The following SIPA1L3 variants were observed in gnomAD, a reference collection of about 807,000 sequenced individuals.
SIPA1L3 encodes the protein signal induced proliferation associated 1 like 3, also known as signal-induced proliferation-associated 1-like protein 3.
Under a neutral mutation model 150.1 loss-of-function variants are expected in SIPA1L3, and 59 were observed. The ratio of observed to expected loss-of-function variants is 0.39; its 90% confidence interval spans 0.32 to 0.49. The LOEUF is 0.49. Ranked by LOEUF, SIPA1L3 falls within the 20% of genes least tolerant of loss-of-function variation. SIPA1L3 has a pLI of 0.86. For missense variants in SIPA1L3, 2,211 were observed against 2,489.5 expected (o/e 0.89, Z 2.38); for synonymous variants, 1,070 against 1,077.6 (o/e 0.99, Z 0.14).
chr19:37,972,543 A>T (rs1239182858), intron 1 of SIPA1L3, among the ~76,000 whole-genome samples: 3 of 152,090 alleles, frequency 2.0e-5, no homozygotes, highest in Non-Finnish European at 4.4e-5. Context: ...TCTCTACAAA[A>T]AATTTAAAAA....
chr19:38,112,132 T>C (rs113177575), intron 8 of SIPA1L3, among the ~76,000 whole-genome samples: 3 of 126,154 alleles, frequency 2.4e-5, no homozygotes, highest in South Asian at 2.6e-4. Context: ...CACATACAGG[T>C]ACACACCTGC....
intron 1 of SIPA1L3, among the ~76,000 whole-genome samples, chr19:37,988,592 C>A (rs973676947): frequency 4.6e-5 from 7 of 152,158 alleles, no homozygotes; most frequent in Admixed American, 3.9e-4. Flanking sequence ...AGGAGAATCG[C>A]TTGAACCCAG....
intron 19 of SIPA1L3, among the ~76,000 whole-genome samples, chr19:38,198,915 C>CCACTGCACT (rs1456869160): frequency 1.3e-5 from 2 of 152,188 alleles, no homozygotes; most frequent in Non-Finnish European, 2.9e-5. Context: ...TGTGATCACA[C>CCACTGCACT]CACTGCACTC....
chr19:37,938,825 G>C (rs2046625992), intron 1 of SIPA1L3, among the ~76,000 whole-genome samples: 1 of 151,968 alleles, frequency 6.6e-6, no homozygotes, highest in African/African-American at 2.4e-5. Flanking sequence ...ATTTCATCAT[G>C]TTGGCCAGGC....
In SIPA1L3 at chr19:38,049,093, G is replaced by T. The variant is rs374691406; in HGVS notation, c.-311+19937G>T. Among the ~76,000 whole-genome samples, 32 of 151,486 alleles carry T rather than the reference G, an allele frequency of 2.1e-4. 1 individual carries two copies. The highest frequency in any genetic ancestry group is 6.3e-4 in the African/African-American group (26 of 41,040). On this transcript the variant is annotated intron_variant, in intron 2 of 21. Coordinates refer to ENST00000222345, the MANE Select transcript of SIPA1L3 (RefSeq NM_015073.3). ...CGAGACCCCATCTCAAAAAAAAAGC[G>T]GGGGGTGGACAGGGGGCAAGTGGAG... is the stretch of plus-strand genomic sequence containing the variant.
chr19:38,085,086 G>A (rs566569786), intron 3 of SIPA1L3, among the ~76,000 whole-genome samples: 128 of 152,258 alleles, frequency 8.4e-4, no homozygotes, highest in African/African-American at 3.0e-3. Context: ...GCTGATCCAC[G>A]TGATACGTTT....
intron 12 of SIPA1L3, among the ~76,000 whole-genome samples, chr19:38,151,191 G>C (rs953494034): frequency 1.3e-5 from 2 of 152,216 alleles, no homozygotes; most frequent in African/African-American, 4.8e-5. Context: ...CCTCTTAGGA[G>C]CAAGGAGATT....
chr19:38,126,205 A>G (rs938753500), intron 9 of SIPA1L3, among the ~76,000 whole-genome samples: 1 of 151,146 alleles, frequency 6.6e-6, no homozygotes, highest in Non-Finnish European at 1.5e-5. Flanking sequence ...AAACAAAACA[A>G]AACAAAAAAA....
At chr19:38,058,498 T>C (rs867050501) in intron 2 of SIPA1L3, among the ~76,000 whole-genome samples, 11 of 152,104 alleles carry the variant, frequency 7.2e-5, no homozygotes, top group Admixed American at 7.2e-4. Context: ...AAACTGCCTC[T>C]GTGAGGGTGC....
intron 10 of SIPA1L3, among the ~76,000 whole-genome samples, chr19:38,132,893 C>A (rs1214410777): frequency 6.6e-6 from 1 of 152,216 alleles, no homozygotes; most frequent in East Asian, 1.9e-4. Context: ...GGTGTTCCAC[C>A]CACCTCAGCC....
chr19:37,997,738 G>A (rs748931531), intron 1 of SIPA1L3, among the ~76,000 whole-genome samples: 10 of 150,956 alleles, frequency 6.6e-5, no homozygotes, highest in South Asian at 2.1e-4. Flanking sequence ...GCAGTGGTGC[G>A]CTCCTGTAGT....
intron 1 of SIPA1L3, among the ~76,000 whole-genome samples, chr19:37,933,026 C>T (rs1353970108): frequency 3.3e-5 from 5 of 152,128 alleles, no homozygotes; most frequent in Non-Finnish European, 5.9e-5. Flanking sequence ...CCGCTTTCCT[C>T]TCTGGGCCTC....
intron 14 of SIPA1L3, among the ~76,000 whole-genome samples, chr19:38,163,405 G>A (rs569328150): frequency 9.4e-5 from 14 of 149,338 alleles, no homozygotes; most frequent in East Asian, 5.9e-4. Flanking sequence ...CACAAGAATT[G>A]CTTGAACCCA....
intron 9 of SIPA1L3, among the ~76,000 whole-genome samples, chr19:38,127,371 A>G (rs896003504): frequency 1.3e-5 from 2 of 152,240 alleles, no homozygotes; most frequent in Non-Finnish European, 2.9e-5. Flanking sequence ...CTTAAAACAT[A>G]ACATAGCCAT....
chr19:38,141,344 A>G lies in SIPA1L3; in HGVS notation c.3304A>G (p.Thr1102Ala), dbSNP rs1196025421. 2 of 1,613,728 alleles carry G rather than the reference A, an allele frequency of 1.2e-6. No homozygotes were observed. The highest frequency in any genetic ancestry group is 1.7e-5 in the Admixed American group (1 of 59,964). Residue 1102 changes from threonine (T) to alanine (A), a missense_variant, in exon 11 of 22, where the codon ACC becomes GCC. Thr to Ala is a moderately conservative substitution (Grantham distance 58). Transcript: ENST00000222345. The part of the protein sequence containing the change: ...SLPASKWATP[T>A]TPGHAQSLSR... ...ACCAGCCTCCAAGTGGGCCACTCCA[A>G]CCACTCCCGGCCATGCCCAGTCCCT...
intron 1 of SIPA1L3, among the ~76,000 whole-genome samples, chr19:37,944,627 G>C (rs1193550076): frequency 6.6e-6 from 1 of 152,130 alleles, no homozygotes; most frequent in African/African-American, 2.4e-5. Flanking sequence ...ATCCTTGATG[G>C]GGTTATGTTC....
intron 10 of SIPA1L3, among the ~76,000 whole-genome samples, chr19:38,134,258 A>G (rs913214119): frequency 6.6e-6 from 1 of 151,294 alleles, no homozygotes; most frequent in East Asian, 2.0e-4. Flanking sequence ...TGCTAGGATT[A>G]CAGGCATGAG....
intron 9 of SIPA1L3, among the ~76,000 whole-genome samples, chr19:38,123,975 AC>A (rs71179415): frequency 0.43 from 53,458 of 123,242 alleles, 11,414 homozygotes; most frequent in East Asian, 0.65. Flanking sequence ...CGGGGGGCCA[AC>A]CCCCCCCCAC....
intron 15 of SIPA1L3, among the ~76,000 whole-genome samples, chr19:38,174,236 C>T (rs928932637): frequency 1.3e-5 from 2 of 152,166 alleles, no homozygotes; most frequent in African/African-American, 2.4e-5. Flanking sequence ...TCCTGAAGAC[C>T]CGTCGCTTCT....
Sources: allele counts gnomAD v4.1 joint callset (sites outside exome capture counted in the v4.1 genomes callset), GRCh38; gene constraint gnomAD v4.1.1; transcripts MANE v1.5; gene names NCBI Gene and HGNC (gene_info 2026-07-23, HGNC 2026-07-21).